Variants in MAP9 observed in about 807,000 individuals in gnomAD.
MAP9 encodes microtubule-associated protein 9.
A neutral mutation model predicts 75.2 loss-of-function variants in MAP9; 80 were observed. That is an observed-to-expected ratio of 1.06 (90% confidence interval 0.89 to 1.28). MAP9 has a LOEUF of 1.28. Among genes scored for constraint, MAP9 ranks in the 50% most tolerant of loss-of-function variants. MAP9 has a pLI of 0.00. For synonymous variants in MAP9, 235 were observed against 237.3 expected (o/e 0.99, Z 0.09); for missense variants, 753 against 719.9 (o/e 1.05, Z -0.53).
Position 155,374,983 on chromosome 4 carries a change from T to G in MAP9, c.114A>C (p.Arg38Ser). Residue 38 changes from arginine (R) to serine (S), a missense_variant, in exon 3 of 14, where the codon AGA (arginine) becomes AGC (serine). Transcript: ENST00000311277. ...CATCTGAGTATTCAGAACTCCTTTG[T>G]CTGGCTGAGCGAGCTGTAATTGCTC... ...LIRAITARSA[R>S]QRSSEYSDDF... 4 of 1,591,374 alleles carry G rather than the reference T, an allele frequency of 2.5e-6. No individual in the cohort carries two copies. Among genetic ancestry groups the G allele is most frequent in the Non-Finnish European group, 3.4e-6 (4 of 1,162,860 alleles).
rs1461083698 is a variant in MAP9, at chr4:155,343,270, T to C, written c.*4513A>G. The C allele has an allele frequency of 7.3e-6, 1 of 136,628 alleles. No individual in the cohort carries two copies. The highest frequency in any genetic ancestry group is 7.2e-5 in the Admixed American group (1 of 13,930). The allele number at this position is 136,628 out of a possible 1,614,324, so 8.5% of individuals were successfully genotyped here. On this transcript the variant is annotated 3_prime_UTR_variant, in exon 14 of 14. Coordinates refer to ENST00000311277, the MANE Select transcript of MAP9 (RefSeq NM_001039580.2). ...CAGATAGCACAGGAGAGAGACAGAGTGGGAGAGAGAAAGAGGAGGGAGGAA... is the reference window on the plus strand; with the variant it reads ...CAGATAGCACAGGAGAGAGACAGAGCGGGAGAGAGAAAGAGGAGGGAGGAA...
Position 155,368,777 on chromosome 4 carries a change from T to TA in MAP9, c.516dup (p.Lys173Ter). On this transcript the variant is annotated frameshift_variant, in exon 5 of 14. Transcript: ENST00000311277. LOFTEE classifies it high-confidence loss of function. ...ATACTCCTTGGCCGAGGTGATGGTT[T>TA]AAAGTGATCATCTGTGTCAAGGCTG... 1 of 1,613,360 alleles carries TA rather than the reference T, an allele frequency of 6.2e-7. No individual in the cohort carries two copies. Among genetic ancestry groups the TA allele is most frequent in the Non-Finnish European group, 8.5e-7 (1 of 1,179,550 alleles).
At chr4:155,375,492 A>G (rs531512119) in intron 2 of MAP9, among the ~76,000 whole-genome samples, 2 of 152,212 alleles carry the variant, frequency 1.3e-5, no homozygotes, top group East Asian at 1.9e-4. Flanking sequence ...CTTAAACATT[A>G]TGTTACAACA....
Position 155,373,466 on chromosome 4 carries a change from G to A in MAP9, c.161-10C>T. 19 of 1,430,354 alleles carry A rather than the reference G, an allele frequency of 1.3e-5. No homozygotes were observed. The highest frequency in any genetic ancestry group is 7.7e-5 in the East Asian group (3 of 38,718). 88.6% of individuals were successfully genotyped at this position (1,430,354 alleles called of 1,614,324 possible). A position where few individuals can be genotyped will look rare whatever the true frequency, so the allele number is the denominator to read the frequency against. On this transcript the variant is annotated splice_polypyrimidine_tract_variant and intron_variant, in intron 3 of 13. Transcript: ENST00000311277. ...AAATCACCTAAAGAAACTGAAAAATGGAAAAGAAAAATGTTTTCAACAGTA... is the reference window on the plus strand; with the variant it reads ...AAATCACCTAAAGAAACTGAAAAATAGAAAAGAAAAATGTTTTCAACAGTA...
At chr4:155,362,989 C>T (rs889140169) in intron 5 of MAP9, 2 of 152,118 alleles carry the variant, frequency 1.3e-5, no homozygotes, top group Non-Finnish European at 2.9e-5. Context: ...CTATGCAGCT[C>T]AAGTAATAGA....
At position 155,352,677 on chromosome 4, in the gene MAP9, ATTTAT is replaced by A; in HGVS notation, c.1735_1739del (p.Ile579Ter). ...TTTTCAGTTCTTCCTTTCTTTTCTC[ATTTAT>A]TTTTTCTTTTTCCTTTTGCTTGAAA... On this transcript the variant is annotated frameshift_variant, in exon 13 of 14. Transcript: ENST00000311277. LOFTEE classifies it high-confidence loss of function. 6.4e-7 allele frequency: 1 copy of A among 1,555,436 alleles called. No homozygotes were observed.
chr4:155,360,388 T>A lies in MAP9; in HGVS notation c.830A>T (p.His277Leu). Reference protein sequence around the residue: ...KDPNEEITENHNSLKSDENKE... With the variant: ...KDPNEEITENLNSLKSDENKE... ...ATTTTCATCTGATTTCAAGGAATTA[T>A]GGTTTTCAGTGATTTCTTCATTTGG... The change falls in exon 7 of 14, where the codon CAT (histidine) becomes CTT (leucine). Residue 277 changes from histidine (H) to leucine (L), a missense_variant. Physicochemically the swap from His to Leu is moderately conservative, Grantham distance 99. Transcript: ENST00000311277. 1 of 1,611,490 alleles carries A rather than the reference T, an allele frequency of 6.2e-7. No homozygotes were observed. The highest frequency in any genetic ancestry group is 8.5e-7 in the Non-Finnish European group (1 of 1,178,608).
Position 155,360,347 on chromosome 4 carries a change from A to G in MAP9, c.871T>C (p.Ser291Pro). Residue 291 changes from serine to proline, a missense_variant, in exon 7 of 14, where the codon TCA becomes CCA. By Grantham distance (74) the Ser-to-Pro change is moderately conservative. Transcript: ENST00000311277. Reference protein sequence around the residue: ...KSDENKENSFSADHVTTAVEK... With the variant: ...KSDENKENSFPADHVTTAVEK... ...ACTGCAGTAGTCACATGGTCTGCTG[A>G]AAATGAATTCTCTTTATTTTCATCT... 1 of 1,612,840 alleles carries G rather than the reference A, an allele frequency of 6.2e-7. No individual in the cohort carries two copies. The highest frequency in any genetic ancestry group is 8.5e-7 in the Non-Finnish European group (1 of 1,179,190).
At chr4:155,375,988 A>T (rs530127801) in intron 1 of MAP9, 74 bp from the exon 2 acceptor site, 4 of 573,314 alleles carry the variant, frequency 7.0e-6, no homozygotes, top group Non-Finnish European at 1.2e-5. Context: ...TACTCTCCCC[A>T]CAAAGGTCAA....
chr4:155,355,291 CAA>C (rs1351743025), intron 9 of MAP9, 131 bp from the exon 10 acceptor site: 1 of 360,382 alleles, frequency 2.8e-6, no homozygotes, highest in Middle Eastern at 7.5e-4. Context: ...CTAAAAAAGA[CAA>C]AAAAAGACTT....
chr4:155,355,179 G>T lies in MAP9; in HGVS notation c.1291-19C>A. 2 of 845,426 alleles carry T rather than the reference G, an allele frequency of 2.4e-6. No individual in the cohort carries two copies. The highest frequency in any genetic ancestry group is 3.5e-6 in the Non-Finnish European group (2 of 569,304). 52.4% of individuals were successfully genotyped at this position (845,426 alleles called of 1,614,324 possible). On this transcript the variant is annotated intron_variant, in intron 9 of 13. Coordinates refer to ENST00000311277, the MANE Select transcript of MAP9 (RefSeq NM_001039580.2). Reference sequence around the variant, plus strand: ...ACCACTCCTATAAGAACAAGAAAAAGGTCATATAATATTTAAAATTTCTTA... The same window carrying T: ...ACCACTCCTATAAGAACAAGAAAAATGTCATATAATATTTAAAATTTCTTA...
chr4:155,350,594 T>G (rs1359809061), intron 13 of MAP9, among the ~76,000 whole-genome samples: 1 of 152,042 alleles, frequency 6.6e-6, no homozygotes, highest in African/African-American at 2.4e-5. Context: ...TTTAAATTTT[T>G]TTTTAGAACA....
Position 155,368,871 on chromosome 4 carries a change from T to C in MAP9, c.482-59A>G, listed in dbSNP as rs112622232. The C allele has an allele frequency of 1.5e-4, 210 of 1,391,820 alleles. No individual in the cohort carries two copies. The African/African-American group carries it at 2.6e-3, about 17-fold the overall frequency. The allele number at this position is 1,391,820 out of a possible 1,614,324, so 86.2% of individuals were successfully genotyped here. On this transcript the variant is annotated intron_variant, in intron 4 of 13. Transcript: ENST00000311277. ...AAAAATGACCATGGCTTTATCTATC[T>C]CTCTGGGTGCTACCATACTTCCCTC...
At chr4:155,374,819 C>A in intron 3 of MAP9, 118 bp downstream of exon 3, 1 of 499,898 alleles carries the variant, frequency 2.0e-6, no homozygotes, top group African/African-American at 1.9e-5. Flanking sequence ...TTAGTGAATG[C>A]TTAGGTATTA....
At chr4:155,348,549 A>T (rs958773440) in intron 13 of MAP9, among the ~76,000 whole-genome samples, 21 of 152,318 alleles carry the variant, frequency 1.4e-4, no homozygotes, top group African/African-American at 5.1e-4. Flanking sequence ...TCTCAGAAGT[A>T]AGTTTACTGG....
chr4:155,369,850 T>A (rs1170128511), intron 4 of MAP9, among the ~76,000 whole-genome samples: 1 of 152,262 alleles, frequency 6.6e-6, no homozygotes, highest in East Asian at 1.9e-4. Context: ...AAATGCTGAT[T>A]TGCATCCAGT....
In MAP9 at chr4:155,362,044, C is replaced by T. The variant is rs111699077; in HGVS notation, c.802+4G>A. On this transcript the variant is annotated splice_donor_region_variant and intron_variant, in intron 6 of 13. Transcript: ENST00000311277. ...TATAAGATATAATTATTAGATATAA[C>T]CACCTTTTCCAGATGCGTTTCCCTC... 3.2e-5 allele frequency: 50 copies of T among 1,562,876 alleles called. No individual in the cohort carries two copies. The African/African-American group carries it at 6.0e-4, about 19-fold the overall frequency.
chr4:155,364,514 ATT>A (rs1732235789), intron 5 of MAP9, among the ~76,000 whole-genome samples: 1 of 130,228 alleles, frequency 7.7e-6, no homozygotes, highest in African/African-American at 3.0e-5. Flanking sequence ...ATATATAGAT[ATT>A]GTCTACAAAT....
intron 5 of MAP9, 142 bp from the exon 6 acceptor site, chr4:155,362,283 A>G (rs928366208): frequency 1.8e-6 from 1 of 560,400 alleles, no homozygotes; most frequent in Admixed American, 3.9e-5. Flanking sequence ...GCTGAAACGC[A>G]AAGTGTGACA....
Sources: gnomAD v4.1 joint callset for allele counts (sites outside exome capture counted in the v4.1 genomes callset) on GRCh38, gnomAD v4.1.1 for gene constraint, MANE v1.5 for transcripts, NCBI Gene and HGNC (gene_info 2026-07-23, HGNC 2026-07-21) for gene names.